The following PCP4 variants were observed in gnomAD, a reference collection of about 807,000 sequenced individuals.
PCP4 encodes the protein calmodulin regulator protein PCP4.
Under a neutral mutation model 10.0 loss-of-function variants are expected in PCP4, and 8 were observed. That is an observed-to-expected ratio of 0.80 (90% CI 0.47 to 1.45). PCP4 has a LOEUF of 1.45. Ranked by LOEUF, PCP4 falls within the 40% of genes most tolerant of loss-of-function variation. PCP4 has a pLI of 0.00. For missense variants in PCP4, 54 were observed against 74.4 expected (o/e 0.73, Z 1.01); for synonymous variants, 21 against 23.0 (o/e 0.91, Z 0.24).
chr21:39,907,008 C>T (rs2087514638), intron 2 of PCP4, among the ~76,000 whole-genome samples: 1 of 152,104 alleles, frequency 6.6e-6, no homozygotes, highest in Non-Finnish European at 1.5e-5. Context: ...GCACAGCAGG[C>T]AGTTTTTCAG....
chr21:39,900,969 T>C (rs925729301), intron 2 of PCP4, among the ~76,000 whole-genome samples: 2 of 152,168 alleles, frequency 1.3e-5, no homozygotes, highest in Non-Finnish European at 2.9e-5. Flanking sequence ...CATGTGAATG[T>C]AAGTAACATT....
intron 2 of PCP4, among the ~76,000 whole-genome samples, chr21:39,918,754 C>G (rs2299784): frequency 0.9 from 137,582 of 152,156 alleles, 62,405 homozygotes; most frequent in Middle Eastern, 0.95. Context: ...GATAAATATG[C>G]AGCCAGCAGG....
chr21:39,915,113 G>A (rs1295472964), intron 2 of PCP4, among the ~76,000 whole-genome samples: 1 of 152,026 alleles, frequency 6.6e-6, no homozygotes, highest in Non-Finnish European at 1.5e-5. Flanking sequence ...CAACTGCAAA[G>A]GGAAGGGTAT....
intron 2 of PCP4, among the ~76,000 whole-genome samples, chr21:39,908,149 T>G (rs1251290737): frequency 6.6e-6 from 1 of 152,010 alleles, no homozygotes; most frequent in African/African-American, 2.4e-5. Flanking sequence ...ATTGAAACCA[T>G]GCTTTCATGT....
chr21:39,911,642 G>A (rs1393757213), intron 2 of PCP4, among the ~76,000 whole-genome samples: 1 of 152,250 alleles, frequency 6.6e-6, no homozygotes, highest in African/African-American at 2.4e-5. Flanking sequence ...ACCTCAGCCA[G>A]AGGTTGCCGG....
At chr21:39,915,007 C>G (rs574980288) in intron 2 of PCP4, among the ~76,000 whole-genome samples, 15 of 152,098 alleles carry the variant, frequency 9.9e-5, no homozygotes, top group Non-Finnish European at 1.6e-4. Context: ...AGGGAGTGGC[C>G]TGAAATCTGA....
At chr21:39,875,871 G>A (rs1465845510) in intron 1 of PCP4, among the ~76,000 whole-genome samples, 1 of 152,088 alleles carries the variant, frequency 6.6e-6, no homozygotes, top group Non-Finnish European at 1.5e-5. Context: ...GAAGGGTAAG[G>A]AAATCTGTAA....
rs574420703 is a variant in PCP4, at chr21:39,907,374, G to A, written c.61+8847G>A. Among the ~76,000 whole-genome samples, 46 of 152,238 alleles carry A rather than the reference G, an allele frequency of 3.0e-4. No homozygotes were observed. The South Asian group carries it at 3.9e-3, about 13-fold the overall frequency. ...TAGCAGCCAATCTAGAACATAGCTCGGGGGAGATGCAGACCCAGAAAAGGA... is the reference window on the plus strand; with the variant it reads ...TAGCAGCCAATCTAGAACATAGCTCAGGGGAGATGCAGACCCAGAAAAGGA... On this transcript the variant is annotated intron_variant, in intron 2 of 2. Transcript: ENST00000328619.
chr21:39,884,574 G>T (rs2087390890), intron 1 of PCP4, among the ~76,000 whole-genome samples: 1 of 151,802 alleles, frequency 6.6e-6, no homozygotes, highest in Non-Finnish European at 1.5e-5. Context: ...AGGCAGGCAG[G>T]TCACCTGAGG....
At chr21:39,927,737 G>T (rs1468522766) in intron 2 of PCP4, among the ~76,000 whole-genome samples, 1 of 152,172 alleles carries the variant, frequency 6.6e-6, no homozygotes, top group African/African-American at 2.4e-5. Flanking sequence ...GGTCAGTTCT[G>T]TCCCCAGTTC....
intron 1 of PCP4, among the ~76,000 whole-genome samples, chr21:39,887,662 A>T (rs113849122): frequency 0.017 from 2,660 of 152,250 alleles, 30 homozygotes; most frequent in Middle Eastern, 0.041. Context: ...GTCTTCAGCT[A>T]CGTGCTTACC....
intron 2 of PCP4, among the ~76,000 whole-genome samples, chr21:39,915,721 A>C (rs903296549): frequency 2.6e-5 from 4 of 152,228 alleles, no homozygotes; most frequent in Non-Finnish European, 4.4e-5. Context: ...GAGGGAAAAA[A>C]TGGGCAAGGG....
At chr21:39,907,210 A>T (rs760985529) in intron 2 of PCP4, among the ~76,000 whole-genome samples, 1 of 149,826 alleles carries the variant, frequency 6.7e-6, no homozygotes, top group Non-Finnish European at 1.5e-5. Flanking sequence ...CTCAAGCTAG[A>T]TGTGTTCTCC....
chr21:39,913,338 G>C (rs1305682916), intron 2 of PCP4, among the ~76,000 whole-genome samples: 1 of 152,210 alleles, frequency 6.6e-6, no homozygotes, highest in Non-Finnish European at 1.5e-5. Context: ...TAGGAAAGCA[G>C]AGATTGTGAA....
intron 2 of PCP4, among the ~76,000 whole-genome samples, chr21:39,928,687 G>T (rs1384822028): frequency 6.6e-6 from 1 of 152,148 alleles, no homozygotes; most frequent in Non-Finnish European, 1.5e-5. Context: ...AGCACAGCCA[G>T]TATTAAAACC....
chr21:39,915,391 C>T (rs1036088327), intron 2 of PCP4, among the ~76,000 whole-genome samples: 7 of 152,150 alleles, frequency 4.6e-5, no homozygotes, highest in Non-Finnish European at 1.0e-4. Context: ...TGTGAATTTC[C>T]ATTATCAACT....
chr21:39,905,818 G>A lies in PCP4; in HGVS notation c.61+7291G>A, dbSNP rs555262804. On this transcript the variant is annotated intron_variant, in intron 2 of 2. Transcript: ENST00000328619. ...AATCCCAGCACTTTGGGAGGCTGAG[G>A]CGGGTGGATCACGAGGTCAGGAGAT... Among the ~76,000 whole-genome samples the A allele has an allele frequency of 6.6e-5, 10 of 152,272 alleles. 1 individual carries two copies. The South Asian group carries it at 2.1e-3, about 32-fold the overall frequency.
At chr21:39,892,532 A>C (rs2087437781) in intron 1 of PCP4, among the ~76,000 whole-genome samples, 1 of 152,088 alleles carries the variant, frequency 6.6e-6, no homozygotes, top group Non-Finnish European at 1.5e-5. Context: ...CTGCAAGATC[A>C]GCATTTAGAA....
intron 2 of PCP4, among the ~76,000 whole-genome samples, chr21:39,905,966 C>T (rs569742432): frequency 9.9e-4 from 151 of 152,298 alleles, no homozygotes; most frequent in African/African-American, 2.9e-3. Context: ...AGGAGAATGG[C>T]GTGAACCCAG....
Sources: allele counts gnomAD v4.1 joint callset (sites outside exome capture counted in the v4.1 genomes callset), GRCh38; gene constraint gnomAD v4.1.1; transcripts MANE v1.5; gene names NCBI Gene and HGNC (gene_info 2026-07-23, HGNC 2026-07-21).